Variants in SLC38A8 observed in about 807,000 individuals in gnomAD.
SLC38A8 encodes the protein solute carrier family 38 member 8.
Under a neutral mutation model 46.0 loss-of-function variants are expected in SLC38A8, and 65 were observed. The observed-to-expected ratio is 1.41, with a 90% confidence interval of 1.16 to 1.74. The LOEUF (loss-of-function observed/expected upper bound fraction) is 1.74, where lower values mean the gene tolerates loss of function less well. Among genes scored for constraint, SLC38A8 ranks in the 40% most tolerant of loss-of-function variants. The pLI is 0.00. For synonymous variants in SLC38A8, 447 were observed against 243.7 expected, an observed-to-expected ratio of 1.83 and a Z score of -7.77; for missense variants, 998 against 567.9, an observed-to-expected ratio of 1.76 and a Z score of -7.70.
At chr16:84,032,997 T>G (rs1434263228) in intron 4 of SLC38A8, among the ~76,000 whole-genome samples, 27 of 31,596 alleles carry the variant, frequency 8.5e-4, no homozygotes, top group Admixed American at 1.9e-3. Flanking sequence ...TGGGTGTGCA[T>G]GGGGGGGTGT....
upstream of SLC38A8, among the ~76,000 whole-genome samples, chr16:84,043,073 C>T (rs1330800921): frequency 1.3e-5 from 2 of 152,200 alleles, no homozygotes; most frequent in Non-Finnish European, 2.9e-5. Context: ...AGAACAGGCT[C>T]CACCGTCCGC....
intron 2 of SLC38A8, among the ~76,000 whole-genome samples, chr16:84,037,687 G>T (rs1454091955): frequency 6.6e-6 from 1 of 151,818 alleles, no homozygotes; most frequent in African/African-American, 2.4e-5. Flanking sequence ...CTTGAACCTG[G>T]GAGGCGGACG....
chr16:84,024,355 T>C (rs1029258050), intron 6 of SLC38A8, among the ~76,000 whole-genome samples: 2 of 152,186 alleles, frequency 1.3e-5, no homozygotes, highest in African/African-American at 4.8e-5. Context: ...AAGCATTTTT[T>C]TTTGGTAGAG....
chr16:84,029,362 C>T, intron 6 of SLC38A8, 132 bp downstream of exon 6: 1 of 866,888 alleles, frequency 1.2e-6, no homozygotes, highest in South Asian at 1.7e-5. Context: ...GTGGGCGGCA[C>T]AGAGCCCACT....
rs74419742 is a variant in SLC38A8, at chr16:84,033,872, G to A, written c.389-403C>T. Among the ~76,000 whole-genome samples, 194 of 152,330 alleles carry A rather than the reference G, an allele frequency of 1.3e-3. 2 individuals carry two copies. Among genetic ancestry groups the A allele is most frequent in the African/African-American group, 4.4e-3 (183 of 41,578 alleles). On this transcript the variant is annotated intron_variant, in intron 3 of 10. Coordinates refer to ENST00000299709, the MANE Select transcript of SLC38A8 (RefSeq NM_001080442.3). ...GCCACCGTGCCGTCAGCAACAGGCT[G>A]CTGTGCATGAGCATTGTAGGTCCTC... is the stretch of plus-strand genomic sequence containing the variant.
At position 84,036,895 on chromosome 16, in the gene SLC38A8, C is replaced by T. The variant is rs1317524; in HGVS notation, c.195G>A (p.Ser65=). 5.6e-5 allele frequency: 90 copies of T among 1,609,776 alleles called. No homozygotes were observed. The highest frequency in any genetic ancestry group is 7.0e-5 in the Non-Finnish European group (82 of 1,179,088). Residue 65 remains serine (S), a synonymous_variant, in exon 3 of 11, where the codon TCG becomes TCA. Coordinates refer to ENST00000299709, the MANE Select transcript of SLC38A8 (RefSeq NM_001080442.3). ...VVPAFLVELV[S]LVFLISGLVI... ...CCAGCCCGCTGATCAGGAAGACCAA[C>T]GAGACCTGCGGAGAAGGAGCAGGAC...
intron 2 of SLC38A8, chr16:84,041,026 T>G (rs1397634036): frequency 6.6e-6 from 1 of 152,254 alleles, no homozygotes; most frequent in Non-Finnish European, 1.5e-5. Context: ...ATCCACCAGC[T>G]GCCGTAAGAC....
intron 6 of SLC38A8, 106 bp from the exon 7 acceptor site, chr16:84,022,995 T>G: frequency 1.3e-6 from 1 of 747,492 alleles, no homozygotes. Context: ...ATGATGAGGT[T>G]TCTCTTGAAA....
chr16:84,026,589 G>C (rs2085167289), intron 6 of SLC38A8, among the ~76,000 whole-genome samples: 1 of 152,210 alleles, frequency 6.6e-6, no homozygotes, highest in African/African-American at 2.4e-5. Flanking sequence ...CCCAGGAGGT[G>C]GTGGCAGTGG....
At chr16:84,025,308 G>C (rs2085148933) in intron 6 of SLC38A8, among the ~76,000 whole-genome samples, 1 of 152,134 alleles carries the variant, frequency 6.6e-6, no homozygotes, top group African/African-American at 2.4e-5. Context: ...TACGCAGGAA[G>C]CTCAGATCAG....
intron 3 of SLC38A8, among the ~76,000 whole-genome samples, chr16:84,034,982 C>T (rs766098590): frequency 6.6e-5 from 10 of 152,158 alleles, no homozygotes; most frequent in Non-Finnish European, 1.2e-4. Context: ...AGCACTCCAA[C>T]CTCTATCTAG....
chr16:84,033,576 C>A (rs774249019), intron 3 of SLC38A8, 107 bp from the exon 4 acceptor site: 80 of 1,323,448 alleles, frequency 6.0e-5, no homozygotes, highest in South Asian at 8.8e-5. Context: ...CACCCTCAGC[C>A]AGCCCCAGGA....
At chr16:84,039,164 G>C (rs867030973) in intron 2 of SLC38A8, among the ~76,000 whole-genome samples, 2 of 152,158 alleles carry the variant, frequency 1.3e-5, no homozygotes, top group East Asian at 1.9e-4. Flanking sequence ...CCAGGAGCTC[G>C]AAGAGCCTTT....
intron 4 of SLC38A8, 98 bp downstream of exon 4, chr16:84,033,230 G>A (rs764180758): frequency 2.0e-6 from 3 of 1,524,252 alleles, no homozygotes; most frequent in African/African-American, 2.8e-5. Context: ...AAATGTGAAG[G>A]CCAATTCCCC....
At chr16:84,016,406 T>A (rs2085025829) in intron 9 of SLC38A8, 113 bp downstream of exon 9, 1 of 1,249,658 alleles carries the variant, frequency 8.0e-7, no homozygotes, top group Non-Finnish European at 1.1e-6. Context: ...GTCTTAATCC[T>A]ACCCATATGT....
At chr16:84,042,214 A>C (rs1207170066) in intron 1 of SLC38A8, 55 bp from the exon 2 acceptor site, 1 of 1,528,676 alleles carries the variant, frequency 6.5e-7, no homozygotes, top group Non-Finnish European at 8.8e-7. Context: ...TTCCTCCCTA[A>C]GTTCTCGATA....
At chr16:84,024,480 G>GA (rs1567696562) in intron 6 of SLC38A8, among the ~76,000 whole-genome samples, 1 of 151,968 alleles carries the variant, frequency 6.6e-6, no homozygotes, top group East Asian at 2.0e-4. Context: ...TGCCCAAGGG[G>GA]GATAAGAATT....
intron 7 of SLC38A8, among the ~76,000 whole-genome samples, chr16:84,018,468 C>A (rs1226729261): frequency 6.6e-6 from 1 of 152,028 alleles, no homozygotes; most frequent in Non-Finnish European, 1.5e-5. Flanking sequence ...ATCCACCCGC[C>A]CTGGCCTCCC....
Position 84,038,888 on chromosome 16 carries a change from T to A in SLC38A8, c.190-1988A>T, listed in dbSNP as rs373222503. On this transcript the variant is annotated intron_variant, in intron 2 of 10. Coordinates refer to ENST00000299709, the MANE Select transcript of SLC38A8 (RefSeq NM_001080442.3). ...GGCCATTGTCTGAATAGATCACAAT[T>A]AGCTGAGCATGGTGGTCGAGCATTC... 1.5e-4 allele frequency among the ~76,000 whole-genome samples: 23 copies of A among 152,350 alleles called. 1 individual carries two copies. In the East Asian group the frequency reaches 4.0e-3, roughly 27 times the overall value.
Sources: gnomAD v4.1 joint callset for allele counts (sites outside exome capture counted in the v4.1 genomes callset) on GRCh38, gnomAD v4.1.1 for gene constraint, MANE v1.5 for transcripts, NCBI Gene and HGNC (gene_info 2026-07-23, HGNC 2026-07-21) for gene names.